FKTN: variants seen among roughly 807,000 people sequenced by gnomAD.
FKTN encodes fukutin, also known as ribitol-5-phosphate transferase FKTN.
Under a neutral mutation model 58.6 loss-of-function variants are expected in FKTN, and 47 were observed. The observed-to-expected ratio is 0.80, with a 90% CI of 0.63 to 1.02. The LOEUF (loss-of-function observed/expected upper bound fraction) is 1.02. FKTN is among the 50% of genes least tolerant of loss of function. The pLI is 0.00. For missense variants in FKTN, 516 were observed against 537.3 expected, an observed-to-expected ratio of 0.96 and a Z score of 0.39; for synonymous variants, 178 against 191.9, an observed-to-expected ratio of 0.93 and a Z score of 0.60.
chr9:105,560,627 C>T (rs1222448016), intron 1 of FKTN, among the ~76,000 whole-genome samples: 3 of 152,114 alleles, frequency 2.0e-5, no homozygotes, highest in Non-Finnish European at 4.4e-5. Context: ...AACATTCATC[C>T]AGATTTTACA....
chr9:105,601,560 G>A (rs887277865), intron 5 of FKTN, among the ~76,000 whole-genome samples: 1 of 152,176 alleles, frequency 6.6e-6, no homozygotes, highest in African/African-American at 2.4e-5. Flanking sequence ...TAAAAGGTTA[G>A]TGGCTATTGA....
chr9:105,638,174 C>A lies in FKTN; in HGVS notation c.*2910C>A, dbSNP rs148937517. On this transcript the variant is annotated 3_prime_UTR_variant, in exon 11 of 11. Coordinates refer to ENST00000357998, the MANE Select transcript of FKTN (RefSeq NM_001079802.2). ...GCTAAAACCCAAGACTGCCGTGACT[C>A]CTAGTCCAATGTCTGTTTCGCATCA... 205 of 985,366 alleles carry A rather than the reference C, an allele frequency of 2.1e-4. 6 individuals carry two copies. In the East Asian group the frequency reaches 0.02, roughly 94 times the overall value. 61.0% of individuals were successfully genotyped at this position (985,366 alleles called of 1,614,324 possible).
chr9:105,596,525 C>T (rs1826832845), intron 3 of FKTN, 73 bp from the exon 4 acceptor site: 2 of 921,974 alleles, frequency 2.2e-6, no homozygotes, highest in Non-Finnish European at 3.6e-6. Context: ...TTTTGAATCT[C>T]ATGCCTAACT....
chr9:105,607,825 G>A lies in FKTN; in HGVS notation c.654G>A (p.Glu218=). 6.2e-7 allele frequency: 1 copy of A among 1,612,594 alleles called. No individual in the cohort carries two copies. Among genetic ancestry groups the A allele is most frequent in the Non-Finnish European group, 8.5e-7 (1 of 1,179,020 alleles). The change falls in exon 7 of 11, where the codon GAG becomes GAA. Residue 218 remains glutamate (E), a synonymous_variant. Transcript: ENST00000357998. ...GRYPGAFDRP[E]LQQVTVDGLE... ...TCTTAACTTTTGTTTTCAGGCCAGA[G>A]TTACAGCAAGTTACTGTTGATGGAC...
In FKTN at chr9:105,564,497, G is replaced by A. The variant is rs1213230888; in HGVS notation, c.-181+6332G>A. The stretch of plus-strand genomic sequence containing the variant: ...AACCATAGCACGAGAACTACATGAA[G>A]AATGCACAAGCTTCAGTAGCCGATT... On this transcript the variant is annotated intron_variant, in intron 1 of 10. Coordinates refer to ENST00000357998, the MANE Select transcript of FKTN (RefSeq NM_001079802.2). Among the ~76,000 whole-genome samples the A allele has an allele frequency of 5.3e-5, 8 of 152,198 alleles. 1 individual carries two copies. The highest frequency in any genetic ancestry group is 8.8e-5 in the Non-Finnish European group (6 of 68,040).
intron 1 of FKTN, among the ~76,000 whole-genome samples, chr9:105,564,779 A>C (rs755630669): frequency 5.3e-5 from 8 of 152,218 alleles, no homozygotes; most frequent in South Asian, 2.1e-4. Context: ...CAACATTCAA[A>C]TTCAGGAAGT....
At chr9:105,585,250 T>C (rs1274245681) in intron 3 of FKTN, among the ~76,000 whole-genome samples, 5 of 152,054 alleles carry the variant, frequency 3.3e-5, no homozygotes. Context: ...CATAGTAAGA[T>C]CTCATCTCTG....
At chr9:105,560,200 C>T (rs946627662) in intron 1 of FKTN, among the ~76,000 whole-genome samples, 1 of 152,282 alleles carries the variant, frequency 6.6e-6, no homozygotes, top group South Asian at 2.1e-4. Flanking sequence ...TAACGACGAG[C>T]AAGGTAGACA....
rs10978177 is a variant in FKTN, at chr9:105,636,050, T to G, written c.*786T>G. 0.11 allele frequency: 107,043 copies of G among 984,874 alleles called. 6,571 individuals carry two copies. Among genetic ancestry groups the G allele is most frequent in the East Asian group, 0.46 (4,029 of 8,792 alleles). 61.0% of individuals were successfully genotyped at this position (984,874 alleles called of 1,614,324 possible). ...AATCATTCAAGTGAGACCATGTTAC[T>G]AGACATGATCTTGAAAGAGGCCATG... On this transcript the variant is annotated 3_prime_UTR_variant, in exon 11 of 11. Coordinates refer to ENST00000357998, the MANE Select transcript of FKTN (RefSeq NM_001079802.2).
intron 4 of FKTN, 168 bp downstream of exon 4, chr9:105,596,825 A>C: frequency 1.5e-6 from 1 of 652,878 alleles, no homozygotes; most frequent in Non-Finnish European, 2.8e-6. Flanking sequence ...TGCTTTATGC[A>C]ATGTCTTATT....
At chr9:105,617,665 G>A (rs890584072) in intron 8 of FKTN, among the ~76,000 whole-genome samples, 2 of 151,794 alleles carry the variant, frequency 1.3e-5, no homozygotes, top group African/African-American at 4.9e-5. Context: ...GAAGGTTCAG[G>A]TGACTGCTCA....
In FKTN at chr9:105,640,022, G is replaced by T. The variant is rs1297932143; in HGVS notation, c.*4758G>T. 4.6e-6 allele frequency: 7 copies of T among 1,528,108 alleles called. No homozygotes were observed. The highest frequency in any genetic ancestry group is 5.3e-6 in the Non-Finnish European group (6 of 1,140,706). The allele number at this position is 1,528,108 out of a possible 1,614,324, so 94.7% of individuals were successfully genotyped here. A position where few individuals can be genotyped will look rare whatever the true frequency, so the allele number is the denominator to read the frequency against. On this transcript the variant is annotated 3_prime_UTR_variant, in exon 11 of 11. Transcript: ENST00000357998. ...TAATTATCTATGCTGATGAATGCCT[G>T]TATCATTGTTAATAAAGGAGAATTG...
At chr9:105,579,250 G>A (rs908257652) in intron 3 of FKTN, among the ~76,000 whole-genome samples, 2 of 152,194 alleles carry the variant, frequency 1.3e-5, no homozygotes, top group Admixed American at 1.3e-4. Context: ...TCTCTTAATT[G>A]TGATGTTAGG....
At chr9:105,600,300 T>C (rs1215606322) in intron 4 of FKTN, among the ~76,000 whole-genome samples, 2 of 152,208 alleles carry the variant, frequency 1.3e-5, no homozygotes, top group Admixed American at 6.5e-5. Flanking sequence ...TTTTATGAGT[T>C]CCTTCAGATT....
intron 2 of FKTN, 57 bp downstream of exon 2, chr9:105,573,803 T>G (rs937739071): frequency 4.8e-4 from 73 of 152,096 alleles, no homozygotes; most frequent in African/African-American, 1.7e-3. Context: ...CTATCAGGAG[T>G]TGGTTTGGGA....
chr9:105,565,055 A>G (rs892807056), intron 1 of FKTN, among the ~76,000 whole-genome samples: 1 of 152,222 alleles, frequency 6.6e-6, no homozygotes, highest in African/African-American at 2.4e-5. Flanking sequence ...ACTAAGCTTC[A>G]TAAGTGAAGG....
intron 3 of FKTN, among the ~76,000 whole-genome samples, chr9:105,584,633 A>G (rs1399544594): frequency 6.6e-6 from 1 of 152,064 alleles, no homozygotes. Context: ...CAGCCATGGC[A>G]CCATGGCAAA....
In FKTN at chr9:105,638,038, T is replaced by G; in HGVS notation, c.*2774T>G. ...AACTTAAGTGAAAATCATTCTGCTT[T>G]TGAATCTTAAAAGCTAGAAAAACCA... On this transcript the variant is annotated 3_prime_UTR_variant, in exon 11 of 11. Transcript: ENST00000357998. 1.0e-6 allele frequency: 1 copy of G among 982,262 alleles called. No homozygotes were observed. Among genetic ancestry groups the G allele is most frequent in the Non-Finnish European group, 1.2e-6 (1 of 827,046 alleles). 60.8% of individuals were successfully genotyped at this position (982,262 alleles called of 1,614,324 possible). A position where few individuals can be genotyped will look rare whatever the true frequency, so the allele number is the denominator to read the frequency against.
At chr9:105,568,461 A>G (rs1431525604) in intron 1 of FKTN, among the ~76,000 whole-genome samples, 2 of 152,036 alleles carry the variant, frequency 1.3e-5, no homozygotes, top group Admixed American at 6.6e-5. Context: ...AAACAACCCC[A>G]TCAACAAGTG....
Sources: gnomAD v4.1 joint callset for allele counts (sites outside exome capture counted in the v4.1 genomes callset) on GRCh38, gnomAD v4.1.1 for gene constraint, MANE v1.5 for transcripts, NCBI Gene and HGNC (gene_info 2026-07-23, HGNC 2026-07-21) for gene names.